The following CDH13 variants were observed in gnomAD, a reference collection of about 807,000 sequenced individuals.
CDH13 encodes the protein cadherin 13.
In CDH13, 24 loss-of-function variants were observed where a neutral mutation model predicts 63.8. The observed-to-expected ratio is 0.38, with a 90% CI of 0.27 to 0.53. CDH13 has a LOEUF of 0.53. CDH13 is among the 20% of genes least tolerant of loss of function. The probability of loss-of-function intolerance (pLI) is 0.85; values close to 1 mark genes in which losing one functional copy is unlikely to be tolerated. For missense variants in CDH13, 1,049 were observed against 903.1 expected (o/e 1.16, Z -2.07); for synonymous variants, 503 against 355.3 (o/e 1.42, Z -4.67).
intron 2 of CDH13, among the ~76,000 whole-genome samples, chr16:82,933,352 C>G (rs1248811141): frequency 6.6e-6 from 1 of 152,124 alleles, no homozygotes. Flanking sequence ...TTTGGGAGAA[C>G]TCATTCACTA....
intron 6 of CDH13, among the ~76,000 whole-genome samples, chr16:83,407,665 G>A (rs2092067763): frequency 6.6e-6 from 1 of 152,128 alleles, no homozygotes; most frequent in Non-Finnish European, 1.5e-5. Context: ...TATTTAAGCT[G>A]CAAATAAAAT....
rs181537814 is a variant in CDH13 at position 82,918,611 on chromosome 16, C to T, written c.157+60138C>T. Among the ~76,000 whole-genome samples the T allele has an allele frequency of 7.8e-3, 1,181 of 151,126 alleles. 12 individuals are homozygous for T. The highest frequency in any genetic ancestry group is 0.027 in the African/African-American group (1,120 of 41,144). ...GGAACTTCTGCCTCCCAGGTTCAAG[C>T]GCTCCTCCTGCCTCAGCTTCCCCAG... is the stretch of plus-strand genomic sequence containing the variant. On this transcript the variant is annotated intron_variant, in intron 2 of 13. Coordinates refer to ENST00000567109, the MANE Select transcript of CDH13 (RefSeq NM_001257.5).
chr16:83,081,721 A>AGAG (rs1567811569), intron 3 of CDH13, among the ~76,000 whole-genome samples: 1 of 151,542 alleles, frequency 6.6e-6, no homozygotes, highest in African/African-American at 2.4e-5. Context: ...GAGAGAGAGA[A>AGAG]AGAGCTCGCA....
At chr16:83,354,800 C>T (rs2091021764) in intron 6 of CDH13, among the ~76,000 whole-genome samples, 1 of 152,206 alleles carries the variant, frequency 6.6e-6, no homozygotes, top group South Asian at 2.1e-4. Context: ...GAGCATGAGT[C>T]AACAAACTAT....
intron 10 of CDH13, among the ~76,000 whole-genome samples, chr16:83,684,208 A>G (rs997737101): frequency 6.6e-6 from 1 of 152,128 alleles, no homozygotes; most frequent in Non-Finnish European, 1.5e-5. Flanking sequence ...CTCTACTAAA[A>G]ATACAAAAAT....
chr16:83,273,390 G>A (rs1296087761), intron 5 of CDH13, among the ~76,000 whole-genome samples: 2 of 151,894 alleles, frequency 1.3e-5, no homozygotes, highest in African/African-American at 4.8e-5. Flanking sequence ...TAGTGTCTAT[G>A]AGTGAGTACT....
intron 2 of CDH13, among the ~76,000 whole-genome samples, chr16:83,031,154 A>G (rs1296874597): frequency 1.9e-5 from 2 of 104,740 alleles, no homozygotes; most frequent in East Asian, 5.0e-4. Context: ...ATGTGTGTAT[A>G]TGGTGCTGTA....
rs148581533 is a variant in CDH13 at position 83,366,039 on chromosome 16, T to A, written c.781+21033T>A. Among the ~76,000 whole-genome samples, 1,470 of 152,310 alleles carry A rather than the reference T, an allele frequency of 9.7e-3. 18 individuals carry two copies. The highest frequency in any genetic ancestry group is 0.033 in the African/African-American group (1,361 of 41,558). ...AGATACTGTTGTTGTTTTAAGCCACTTAATTTATGATAATTTTTTACAATA... is the reference window on the plus strand; with the variant it reads ...AGATACTGTTGTTGTTTTAAGCCACATAATTTATGATAATTTTTTACAATA... On this transcript the variant is annotated intron_variant, in intron 6 of 13. Coordinates refer to ENST00000567109, the MANE Select transcript of CDH13 (RefSeq NM_001257.5).
At chr16:83,504,549 C>T (rs376693939) in intron 7 of CDH13, among the ~76,000 whole-genome samples, 163 of 152,300 alleles carry the variant, frequency 1.1e-3, no homozygotes, top group African/African-American at 3.8e-3. Context: ...CAGGCCAGAT[C>T]TTTATGACCT....
At chr16:83,274,072 C>T (rs746260443) in intron 5 of CDH13, among the ~76,000 whole-genome samples, 1 of 152,212 alleles carries the variant, frequency 6.6e-6, no homozygotes, top group African/African-American at 2.4e-5. Context: ...ACAGCCTCTT[C>T]AAGCCAATCT....
intron 4 of CDH13, among the ~76,000 whole-genome samples, chr16:83,192,630 T>C (rs910654255): frequency 6.6e-6 from 1 of 152,146 alleles, no homozygotes; most frequent in Non-Finnish European, 1.5e-5. Flanking sequence ...AGATTTGGCT[T>C]CTCTGTGTTG....
At chr16:83,484,731 T>G (rs2073848464) in intron 6 of CDH13, among the ~76,000 whole-genome samples, 1 of 152,210 alleles carries the variant, frequency 6.6e-6, no homozygotes, top group South Asian at 2.1e-4. Context: ...TCTATGCACT[T>G]ATAAACTGTA....
chr16:83,061,489 A>G (rs149550355), intron 3 of CDH13, among the ~76,000 whole-genome samples: 1 of 152,258 alleles, frequency 6.6e-6, no homozygotes, highest in Admixed American at 6.5e-5. Flanking sequence ...AGATACAGAA[A>G]ATGAGTGAGC....
intron 7 of CDH13, among the ~76,000 whole-genome samples, chr16:83,571,757 A>G (rs1009673836): frequency 2.6e-5 from 4 of 152,046 alleles, no homozygotes; most frequent in Non-Finnish European, 5.9e-5. Flanking sequence ...GTATTCCCAA[A>G]CTGCATTTTC....
intron 1 of CDH13, among the ~76,000 whole-genome samples, chr16:82,724,075 G>C (rs2032945928): frequency 6.6e-6 from 1 of 152,116 alleles, no homozygotes; most frequent in African/African-American, 2.4e-5. Context: ...CTTGTCTGTG[G>C]GTCACAGCCT....
intron 3 of CDH13, among the ~76,000 whole-genome samples, chr16:83,075,494 A>C (rs1025931558): frequency 1.3e-5 from 2 of 152,160 alleles, no homozygotes; most frequent in African/African-American, 4.8e-5. Flanking sequence ...GAGTCTGATA[A>C]GATTGTTGTG....
chr16:82,642,010 A>G lies in CDH13; in HGVS notation c.45+14873A>G, dbSNP rs551877473. Among the ~76,000 whole-genome samples, 4 of 149,688 alleles carry G rather than the reference A, an allele frequency of 2.7e-5. No individual in the cohort carries two copies. In the East Asian group the frequency reaches 7.9e-4, roughly 30 times the overall value. ...GAGATTATTTTCATCTGCTTCCCAA[A>G]CCCAGTTCTTCCATTCACCAACTCC... is the stretch of plus-strand genomic sequence containing the variant. On this transcript the variant is annotated intron_variant, in intron 1 of 13. Transcript: ENST00000567109.
intron 4 of CDH13, among the ~76,000 whole-genome samples, chr16:83,188,826 T>C (rs2038608615): frequency 6.6e-6 from 1 of 152,356 alleles, no homozygotes; most frequent in African/African-American, 2.4e-5. Context: ...CTGTACCTTC[T>C]TCAGCTGCTT....
At chr16:82,918,950 T>A (rs2042075920) in intron 2 of CDH13, among the ~76,000 whole-genome samples, 1 of 152,202 alleles carries the variant, frequency 6.6e-6, no homozygotes, top group Admixed American at 6.5e-5. Flanking sequence ...TCAACCAAAT[T>A]TTTAAAAATT....
Sources: allele counts gnomAD v4.1 joint callset (sites outside exome capture counted in the v4.1 genomes callset), GRCh38; gene constraint gnomAD v4.1.1; transcripts MANE v1.5; gene names NCBI Gene and HGNC (gene_info 2026-07-23, HGNC 2026-07-21).